Variants in MBTPS1 observed in about 807,000 individuals in gnomAD.
MBTPS1 encodes membrane-bound transcription factor site-1 protease.
In MBTPS1, 94 loss-of-function variants were observed where a neutral mutation model predicts 127.8. The ratio of observed to expected loss-of-function variants is 0.74; its 90% CI spans 0.62 to 0.87. MBTPS1 has a LOEUF of 0.87. Among genes scored for constraint, MBTPS1 ranks in the 40% least tolerant of loss-of-function variants. The pLI, the probability that MBTPS1 is intolerant of heterozygous loss-of-function variation, is 0.00. For missense variants in MBTPS1, 1,636 were observed against 1,353.2 expected (o/e 1.21, Z -3.28); for synonymous variants, 632 against 509.4 (o/e 1.24, Z -3.24).
At chr16:84,090,844 C>A (rs951536409) in intron 8 of MBTPS1, 31 bp downstream of exon 8, 7 of 1,547,360 alleles carry the variant, frequency 4.5e-6, no homozygotes, top group Non-Finnish European at 5.3e-6. Flanking sequence ...GGGAAAAAAT[C>A]CCCGAGGTCA....
intron 7 of MBTPS1, 145 bp from the exon 8 acceptor site, chr16:84,091,087 C>A: frequency 1.5e-6 from 1 of 681,814 alleles, no homozygotes. Flanking sequence ...GTGCTGGCAA[C>A]TTGCATTTTT....
intron 11 of MBTPS1, chr16:84,075,092 G>C: frequency 6.2e-6 from 1 of 162,380 alleles, no homozygotes; most frequent in Non-Finnish European, 1.3e-5. Flanking sequence ...ACGTACACAT[G>C]TCAATGCAGC....
chr16:84,110,409 T>A (rs1422374380), intron 1 of MBTPS1, among the ~76,000 whole-genome samples: 1 of 152,152 alleles, frequency 6.6e-6, no homozygotes, highest in African/African-American at 2.4e-5. Flanking sequence ...AGAATAAAAA[T>A]TATGTTTATT....
At chr16:84,096,030 T>G (rs1273988885) in intron 3 of MBTPS1, among the ~76,000 whole-genome samples, 1 of 152,190 alleles carries the variant, frequency 6.6e-6, no homozygotes, top group East Asian at 1.9e-4. Context: ...CTTGAAATTT[T>G]CTAACCAAGG....
At chr16:84,114,933 GTTTT>G (rs976520461) in intron 1 of MBTPS1, among the ~76,000 whole-genome samples, 1 of 150,312 alleles carries the variant, frequency 6.7e-6, no homozygotes, top group African/African-American at 2.5e-5. Flanking sequence ...GTTTTTTTTT[GTTTT>G]TTGTTTTTTG....
At chr16:84,076,529 T>C (rs2085857136) in intron 11 of MBTPS1, among the ~76,000 whole-genome samples, 1 of 152,178 alleles carries the variant, frequency 6.6e-6, no homozygotes, top group Non-Finnish European at 1.5e-5. Context: ...GGTAGGTTAG[T>C]ACACCTGGAA....
At chr16:84,061,437 CAGAGACAG>C (rs2085612055) in intron 19 of MBTPS1, 1 of 152,292 alleles carries the variant, frequency 6.6e-6, no homozygotes, top group African/African-American at 2.4e-5. Flanking sequence ...GGAGCTCATT[CAGAGACAG>C]TGAGACCATG....
At chr16:84,100,080 C>A (rs1286329022) in intron 2 of MBTPS1, among the ~76,000 whole-genome samples, 1 of 152,210 alleles carries the variant, frequency 6.6e-6, no homozygotes, top group African/African-American at 2.4e-5. Context: ...CCTCCCAGCT[C>A]CCCACCTTCA....
At chr16:84,059,892 C>A (rs1402121786) in intron 20 of MBTPS1, 1 of 153,268 alleles carries the variant, frequency 6.5e-6, no homozygotes, top group Non-Finnish European at 1.5e-5. Flanking sequence ...AGCTACTGAG[C>A]AAGTGAAATA....
At chr16:84,070,543 T>G in intron 13 of MBTPS1, 45 bp downstream of exon 13, 1 of 1,593,182 alleles carries the variant, frequency 6.3e-7, no homozygotes, top group South Asian at 1.1e-5. Flanking sequence ...TGAAAGGTGA[T>G]GTCAAACAGC....
chr16:84,095,193 A>G (rs372320688), intron 4 of MBTPS1, among the ~76,000 whole-genome samples: 3 of 152,248 alleles, frequency 2.0e-5, no homozygotes, highest in African/African-American at 7.2e-5. Flanking sequence ...GGAATTGCCC[A>G]GATCAGGGAC....
At position 84,101,882 on chromosome 16, in the gene MBTPS1, ATT is replaced by A; in HGVS notation, c.-101_-100del. ...TTTTGTTTCAGCTAAAAGCTGCAAC[ATT>A]ACTAATCAGCCATCTTACAGTCTTG... is the stretch of plus-strand genomic sequence containing the variant. On this transcript the variant is annotated 5_prime_UTR_variant, in exon 2 of 23. The change abolishes an upstream ATG in the 5' untranslated region. Coordinates refer to ENST00000343411, the MANE Select transcript of MBTPS1 (RefSeq NM_003791.4). 3 of 1,132,834 alleles carry A rather than the reference ATT, an allele frequency of 2.6e-6. No homozygotes were observed. Among genetic ancestry groups the A allele is most frequent in the Admixed American group, 2.0e-5 (1 of 49,520 alleles). 70.2% of individuals were successfully genotyped at this position (1,132,834 alleles called of 1,614,324 possible). A position where few individuals can be genotyped will look rare whatever the true frequency, so the allele number is the denominator to read the frequency against.
chr16:84,079,215 G>A (rs2085903048), intron 11 of MBTPS1, among the ~76,000 whole-genome samples: 2 of 152,228 alleles, frequency 1.3e-5, no homozygotes, highest in African/African-American at 2.4e-5. Flanking sequence ...CCCAGAAGCA[G>A]GTGCTGGTGC....
At chr16:84,087,607 T>C in intron 8 of MBTPS1, 147 bp from the exon 9 acceptor site, 2 of 608,214 alleles carry the variant, frequency 3.3e-6, no homozygotes, top group Admixed American at 2.9e-5. Context: ...CGTGTGCAGC[T>C]CCTCACGGCT....
rs774053325 is a variant in MBTPS1 at position 84,059,450 on chromosome 16, A to G, written c.2705-22T>C. ...TTTCCTGTGGTTAGCAGCAACATCA[A>G]CAAAAAGGAAAATCATCTCTATTAC... is the stretch of plus-strand genomic sequence containing the variant. On this transcript the variant is annotated intron_variant, in intron 20 of 22. Coordinates refer to ENST00000343411, the MANE Select transcript of MBTPS1 (RefSeq NM_003791.4). The G allele has an allele frequency of 6.9e-5, 111 of 1,600,426 alleles. 1 individual carries two copies. In the South Asian group the frequency reaches 1.2e-3, roughly 18 times the overall value.
chr16:84,105,654 G>A lies in MBTPS1; in HGVS notation c.-324-3547C>T, dbSNP rs115752792. On this transcript the variant is annotated intron_variant, in intron 1 of 22. Coordinates refer to ENST00000343411, the MANE Select transcript of MBTPS1 (RefSeq NM_003791.4). Reference sequence around the variant, plus strand: ...TGAGGAGGGAGGCAAGGAGGTGTCCGTCTAGCGAGGCTGAAAGACGAGGGG... The same window carrying A: ...TGAGGAGGGAGGCAAGGAGGTGTCCATCTAGCGAGGCTGAAAGACGAGGGG... Among the ~76,000 whole-genome samples, 1,252 of 152,262 alleles carry A rather than the reference G, an allele frequency of 8.2e-3. 21 individuals are homozygous for A. The highest frequency in any genetic ancestry group is 0.028 in the African/African-American group (1,183 of 41,528).
chr16:84,081,793 G>C lies in MBTPS1; in HGVS notation c.1402C>G (p.Leu468Val). Residue 468 changes from leucine (L) to valine (V), a missense_variant, in exon 11 of 23, where the codon CTG (leucine) becomes GTG (valine). Transcript: ENST00000343411. ...TTGAGGATCTGATAGGCTCTGAGCA[G>C]ATCGAGCTTGCCGTGGCCTTGCTCA... is the stretch of plus-strand genomic sequence containing the variant. The part of the protein sequence containing the change: ...MFEQGHGKLD[L>V]LRAYQILNSY... 1.3e-6 allele frequency: 2 copies of C among 1,522,774 alleles called. No homozygotes were observed. The highest frequency in any genetic ancestry group is 1.8e-6 in the Non-Finnish European group (2 of 1,133,250). 94.3% of individuals were successfully genotyped at this position (1,522,774 alleles called of 1,614,324 possible).
chr16:84,102,299 A>G (rs537916072), intron 1 of MBTPS1, among the ~76,000 whole-genome samples, 192 bp from the exon 2 acceptor site: 1 of 152,310 alleles, frequency 6.6e-6, no homozygotes, highest in East Asian at 1.9e-4. Flanking sequence ...CTGAGCAACA[A>G]AGTGAGACCC....
In MBTPS1 at chr16:84,100,025, T is replaced by C. The variant is rs371082217; in HGVS notation, c.164-715A>G. ...GATTATGTGAGACTATTTGCTCAGT[T>C]CTTCACATCTGGTCACTCAAACTTT... On this transcript the variant is annotated intron_variant, in intron 2 of 22. Coordinates refer to ENST00000343411, the MANE Select transcript of MBTPS1 (RefSeq NM_003791.4). 3.9e-3 allele frequency among the ~76,000 whole-genome samples: 587 copies of C among 152,338 alleles called. 4 individuals carry two copies. Among genetic ancestry groups the C allele is most frequent in the African/African-American group, 0.013 (550 of 41,580 alleles).
Sources: gnomAD v4.1 joint callset for allele counts (sites outside exome capture counted in the v4.1 genomes callset) on GRCh38, gnomAD v4.1.1 for gene constraint, MANE v1.5 for transcripts, NCBI Gene and HGNC (gene_info 2026-07-23, HGNC 2026-07-21) for gene names.